KCNK2: variants seen among roughly 807,000 people sequenced by gnomAD.
KCNK2 encodes the protein potassium channel subfamily K member 2.
A neutral mutation model predicts 40.5 loss-of-function variants in KCNK2; 21 were observed. That is an observed-to-expected ratio of 0.52 (90% CI 0.37 to 0.75). KCNK2 has a LOEUF of 0.75. KCNK2 is among the 30% of genes least tolerant of loss of function. The pLI is 0.00. For missense variants in KCNK2, 399 were observed against 531.6 expected, an observed-to-expected ratio of 0.75 and a Z score of 2.45; for synonymous variants, 191 against 202.2, an observed-to-expected ratio of 0.94 and a Z score of 0.47.
chr1:215,191,047 G>C (rs1395801935), intron 5 of KCNK2, among the ~76,000 whole-genome samples: 4 of 151,540 alleles, frequency 2.6e-5, no homozygotes, highest in Non-Finnish European at 5.9e-5. Context: ...TACTTTGGGA[G>C]GCCAAGGCAT....
intron 2 of KCNK2, among the ~76,000 whole-genome samples, chr1:215,114,326 G>A (rs553598501): frequency 3.5e-4 from 54 of 152,210 alleles, no homozygotes; most frequent in Middle Eastern, 3.4e-3. Context: ...CATTTTCAGC[G>A]CTGATGGTTG....
intron 1 of KCNK2, among the ~76,000 whole-genome samples, chr1:215,060,218 C>T (rs771240180): frequency 6.6e-6 from 1 of 151,986 alleles, no homozygotes; most frequent in Non-Finnish European, 1.5e-5. Flanking sequence ...GAACCTCGGC[C>T]GCAACTAAAC....
chr1:215,070,338 T>C (rs1571882929), intron 1 of KCNK2, among the ~76,000 whole-genome samples: 1 of 142,158 alleles, frequency 7.0e-6, no homozygotes, highest in African/African-American at 2.6e-5. Flanking sequence ...ATGGCGTGAA[T>C]CTGGGAGGCG....
chr1:215,179,831 A>G (rs1664153060), intron 5 of KCNK2, among the ~76,000 whole-genome samples: 1 of 152,120 alleles, frequency 6.6e-6, no homozygotes, highest in Non-Finnish European at 1.5e-5. Context: ...AAAAATGTAT[A>G]TTCTGTGGTT....
intron 1 of KCNK2, among the ~76,000 whole-genome samples, chr1:215,075,399 A>T (rs1396144223): frequency 1.3e-5 from 2 of 152,184 alleles, no homozygotes; most frequent in Non-Finnish European, 2.9e-5. Flanking sequence ...CTTTAATTTG[A>T]AACCCACTCA....
intron 5 of KCNK2, among the ~76,000 whole-genome samples, chr1:215,173,011 G>A (rs1663788032): frequency 6.6e-6 from 1 of 152,014 alleles, no homozygotes; most frequent in Non-Finnish European, 1.5e-5. Context: ...AAGTTCTAGG[G>A]TACATGTGCA....
chr1:215,025,389 T>A (rs1374333364), intron 1 of KCNK2, among the ~76,000 whole-genome samples: 1 of 152,104 alleles, frequency 6.6e-6, no homozygotes, highest in African/African-American at 2.4e-5. Flanking sequence ...TAACATTTTC[T>A]TTCCTTTTTC....
At chr1:215,232,170 C>T (rs1384560280) in intron 6 of KCNK2, among the ~76,000 whole-genome samples, 1 of 151,994 alleles carries the variant, frequency 6.6e-6, no homozygotes, top group East Asian at 1.9e-4. Flanking sequence ...TTTGTAACAG[C>T]TAAAAAAATT....
chr1:215,162,911 G>C (rs1358153194), intron 3 of KCNK2, among the ~76,000 whole-genome samples: 1 of 151,720 alleles, frequency 6.6e-6, no homozygotes, highest in East Asian at 1.9e-4. Context: ...GGCTATATGG[G>C]CTTCTTTTTG....
intron 6 of KCNK2, among the ~76,000 whole-genome samples, chr1:215,226,471 G>A (rs978355564): frequency 6.6e-6 from 1 of 152,020 alleles, no homozygotes; most frequent in Admixed American, 6.6e-5. Flanking sequence ...GACTACAGGC[G>A]CGTGCCATCA....
At chr1:215,081,027 T>C (rs1042880647), upstream of KCNK2, among the ~76,000 whole-genome samples, 4 of 152,156 alleles carry the variant, frequency 2.6e-5, no homozygotes, top group African/African-American at 4.8e-5. Flanking sequence ...AATTCTGCCT[T>C]AAGACTGAAG....
chr1:215,077,653 T>C (rs1191823529), intron 1 of KCNK2, among the ~76,000 whole-genome samples: 1 of 152,006 alleles, frequency 6.6e-6, no homozygotes, highest in African/African-American at 2.4e-5. Flanking sequence ...CCTCTTCAGC[T>C]TGATTACTGT....
chr1:215,222,706 A>C (rs1247858994), intron 6 of KCNK2, among the ~76,000 whole-genome samples: 2 of 151,296 alleles, frequency 1.3e-5, no homozygotes, highest in Non-Finnish European at 2.9e-5. Context: ...CTGTCAAGAT[A>C]ATGTGATACT....
intron 1 of KCNK2, among the ~76,000 whole-genome samples, chr1:215,068,329 C>T (rs1658630887): frequency 6.6e-6 from 1 of 152,004 alleles, no homozygotes; most frequent in African/African-American, 2.4e-5. Context: ...TATGCAGGTA[C>T]AGTATATGAA....
intron 5 of KCNK2, among the ~76,000 whole-genome samples, chr1:215,182,045 C>T (rs1373615824): frequency 2.6e-5 from 4 of 152,218 alleles, no homozygotes; most frequent in Admixed American, 6.5e-5. Flanking sequence ...GAGATCTAAA[C>T]TCTTAATCCA....
intron 2 of KCNK2, among the ~76,000 whole-genome samples, chr1:215,103,204 T>G (rs1660297506): frequency 6.6e-6 from 1 of 151,862 alleles, no homozygotes; most frequent in Non-Finnish European, 1.5e-5. Context: ...GGTTAAGGAT[T>G]CTGAAGCTGC....
chr1:215,095,879 G>A (rs781072415), intron 2 of KCNK2, among the ~76,000 whole-genome samples: 21 of 152,028 alleles, frequency 1.4e-4, no homozygotes, highest in Non-Finnish European at 3.1e-4. Context: ...ATGGTAAACT[G>A]AGCACAATTA....
At chr1:215,010,279 A>G (rs1283526479) in intron 1 of KCNK2, among the ~76,000 whole-genome samples, 1 of 152,182 alleles carries the variant, frequency 6.6e-6, no homozygotes, top group Non-Finnish European at 1.5e-5. Context: ...ATGAGTAGCT[A>G]TGTATTTGCA....
upstream of KCNK2, among the ~76,000 whole-genome samples, chr1:215,081,126 C>A (rs1659137624): frequency 1.3e-5 from 2 of 151,598 alleles, no homozygotes; most frequent in Non-Finnish European, 2.9e-5. Context: ...TGAGCCAATT[C>A]CTTAAAATAA....
Sources: gnomAD v4.1 joint callset for allele counts (sites outside exome capture counted in the v4.1 genomes callset) on GRCh38, gnomAD v4.1.1 for gene constraint, MANE v1.5 for transcripts, NCBI Gene and HGNC (gene_info 2026-07-23, HGNC 2026-07-21) for gene names.